The following ZMYND11 variants were observed in gnomAD, a reference collection of about 807,000 sequenced individuals.
The protein encoded by ZMYND11 is zinc finger MYND-type containing 11, also known as zinc finger MYND domain-containing protein 11.
ZMYND11 carries 9 observed loss-of-function variants against 84.9 expected under a neutral mutation model. The ratio of observed to expected loss-of-function variants is 0.11; its 90% CI spans 0.06 to 0.18. ZMYND11 has a LOEUF of 0.18. ZMYND11 is among the 10% of genes least tolerant of loss of function. The probability of loss-of-function intolerance (pLI) is 1.00; values close to 1 mark genes in which losing one functional copy is unlikely to be tolerated. For synonymous variants in ZMYND11, 250 were observed against 244.1 expected (o/e 1.02, Z -0.23); for missense variants, 409 against 761.0 (o/e 0.54, Z 5.44).
chr10:171,815 G>C (rs1845390878), intron 1 of ZMYND11, among the ~76,000 whole-genome samples: 1 of 152,148 alleles, frequency 6.6e-6, no homozygotes, highest in Admixed American at 6.5e-5. Flanking sequence ...ATTAAGATCA[G>C]GAACAAGGCA....
intron 4 of ZMYND11, among the ~76,000 whole-genome samples, chr10:235,509 C>T (rs1264305934): frequency 2.0e-5 from 3 of 152,038 alleles, no homozygotes; most frequent in Middle Eastern, 3.2e-3. Context: ...CTTGGCCATG[C>T]GTCAGTCACC....
chr10:245,675 T>C (rs1329534335), intron 10 of ZMYND11, among the ~76,000 whole-genome samples: 1 of 152,230 alleles, frequency 6.6e-6, no homozygotes, highest in African/African-American at 2.4e-5. Context: ...CTAAATCTTA[T>C]CTTCCAAGAC....
intron 4 of ZMYND11, among the ~76,000 whole-genome samples, chr10:225,057 A>G (rs1170736243): frequency 6.6e-6 from 1 of 152,234 alleles, no homozygotes; most frequent in African/African-American, 2.4e-5. Flanking sequence ...AGATTTTAAG[A>G]TTTTGTTTAC....
upstream of ZMYND11, chr10:135,307 A>G (rs1171814360): frequency 5.3e-5 from 8 of 150,846 alleles, no homozygotes; most frequent in East Asian, 5.9e-4. This position sits in a 1 kb window ranked among gnomAD's most constrained non-coding sequence, Gnocchi z 5.6. Context: ...TCTGAGGTGG[A>G]GTATTACAAA....
chr10:242,278 T>C, intron 10 of ZMYND11, 139 bp downstream of exon 10: 1 of 1,319,248 alleles, frequency 7.6e-7, no homozygotes, highest in South Asian at 1.5e-5. Context: ...CAAGAATACG[T>C]TCCAAGATAA....
chr10:249,212 T>A, intron 14 of ZMYND11, 124 bp downstream of exon 14: 4 of 1,512,128 alleles, frequency 2.6e-6, no homozygotes, highest in Non-Finnish European at 3.5e-6. Flanking sequence ...AAATGTGAAA[T>A]GGTCAGCTTT....
chr10:249,770 T>G, intron 14 of ZMYND11: 2 of 984,740 alleles, frequency 2.0e-6, no homozygotes, highest in Non-Finnish European at 2.4e-6. Context: ...AATAAATGAC[T>G]ATATAAAGTT....
At chr10:242,247 A>AAG in intron 10 of ZMYND11, 108 bp downstream of exon 10, 1 of 1,487,700 alleles carries the variant, frequency 6.7e-7, no homozygotes, top group Non-Finnish European at 9.1e-7. Flanking sequence ...TAAATTGGAA[A>AAG]AAAAAAACAC....
At chr10:144,442 G>T (rs1281428836) in intron 1 of ZMYND11, among the ~76,000 whole-genome samples, 1 of 151,782 alleles carries the variant, frequency 6.6e-6, no homozygotes, top group African/African-American at 2.4e-5. Context: ...GGATCATCTC[G>T]AACACCTAGG....
chr10:235,843 CTTG>C (rs766603655), intron 4 of ZMYND11, among the ~76,000 whole-genome samples: 38 of 152,290 alleles, frequency 2.5e-4, no homozygotes, highest in African/African-American at 9.1e-4. Flanking sequence ...TGTGTTTCCA[CTTG>C]TTATTTAGAT....
intron 2 of ZMYND11, chr10:198,059 A>T (rs953020532): frequency 1.9e-6 from 1 of 522,858 alleles, no homozygotes; most frequent in Non-Finnish European, 3.4e-6. Flanking sequence ...TAATTTAATA[A>T]TGTAAAAAGA....
At chr10:148,001 G>A (rs1355389763) in intron 1 of ZMYND11, 1 of 152,288 alleles carries the variant, frequency 6.6e-6, no homozygotes, top group Non-Finnish European at 1.5e-5. Context: ...CAACCGTCCT[G>A]GGGTTATGTC....
intron 1 of ZMYND11, among the ~76,000 whole-genome samples, chr10:145,014 A>G (rs1219426779): frequency 2.6e-5 from 4 of 151,282 alleles, no homozygotes; most frequent in Non-Finnish European, 5.9e-5. Flanking sequence ...AAGTGAGAAC[A>G]TGCAGTATTT....
chr10:190,609 T>C (rs939254932), intron 2 of ZMYND11, among the ~76,000 whole-genome samples: 4 of 152,236 alleles, frequency 2.6e-5, no homozygotes, highest in Non-Finnish European at 5.9e-5. Flanking sequence ...TCCTCATTAT[T>C]GATAAAGTCC....
intron 2 of ZMYND11, among the ~76,000 whole-genome samples, chr10:205,408 G>A (rs867690378): frequency 6.6e-6 from 1 of 152,106 alleles, no homozygotes; most frequent in African/African-American, 2.4e-5. Flanking sequence ...GGAGTTCTTG[G>A]GCCAGGCATG....
At chr10:228,231 C>T (rs1948451779) in intron 4 of ZMYND11, among the ~76,000 whole-genome samples, 1 of 152,190 alleles carries the variant, frequency 6.6e-6, no homozygotes, top group African/African-American at 2.4e-5. Flanking sequence ...ACTGTATTAC[C>T]TTCCTGTGGT....
chr10:133,829 G>A (rs1554750653), upstream of ZMYND11, among the ~76,000 whole-genome samples: 2 of 151,542 alleles, frequency 1.3e-5, no homozygotes, highest in Non-Finnish European at 2.9e-5. Context: ...ATTCTGTGAT[G>A]TTCTTTGAGA....
intron 4 of ZMYND11, among the ~76,000 whole-genome samples, chr10:234,684 A>G (rs190093086): frequency 1.3e-5 from 2 of 152,224 alleles, no homozygotes; most frequent in African/African-American, 2.4e-5. Flanking sequence ...AGCTAGAAGC[A>G]TGTGTTTTTA....
At chr10:225,029 T>C (rs1222073054) in intron 4 of ZMYND11, among the ~76,000 whole-genome samples, 2 of 151,618 alleles carry the variant, frequency 1.3e-5, no homozygotes, top group African/African-American at 4.8e-5. Flanking sequence ...TCATACTCTT[T>C]TGTGAAAATT....
Sources: gnomAD v4.1 joint callset for allele counts (sites outside exome capture counted in the v4.1 genomes callset) on GRCh38, gnomAD v4.1.1 for gene constraint, Gnocchi (gnomAD v3.1) non-coding constraint, MANE v1.5 for transcripts, NCBI Gene and HGNC (gene_info 2026-07-23, HGNC 2026-07-21) for gene names.